Variants in MAGI2 observed in about 807,000 individuals in gnomAD.
MAGI2 encodes membrane-associated guanylate kinase, WW and PDZ domain-containing protein 2.
A neutral mutation model predicts 133.3 loss-of-function variants in MAGI2; 35 were observed. That is an observed-to-expected ratio of 0.26 (90% confidence interval 0.20 to 0.35). The LOEUF is 0.35. Ranked by LOEUF, MAGI2 falls within the 10% of genes least tolerant of loss-of-function variation. The probability of loss-of-function intolerance (pLI) is 1.00; values close to 1 mark genes in which losing one functional copy is unlikely to be tolerated. For missense variants in MAGI2, 1,636 were observed against 1,863.4 expected, an observed-to-expected ratio of 0.88 and a Z score of 2.25; for synonymous variants, 729 against 710.6, an observed-to-expected ratio of 1.03 and a Z score of -0.41.
intron 1 of MAGI2, among the ~76,000 whole-genome samples, chr7:79,298,890 G>A (rs1305874617): frequency 6.6e-6 from 1 of 152,140 alleles, no homozygotes. Context: ...TACACGCCAA[G>A]AAGAGAAGCC....
intron 3 of MAGI2, chr7:78,615,406 C>T (rs879049087): frequency 5.3e-5 from 8 of 152,160 alleles, no homozygotes; most frequent in Admixed American, 5.2e-4. Context: ...ATGGCTGCAT[C>T]AAAAAGGTGT....
chr7:78,884,838 T>C (rs764421040), intron 2 of MAGI2, among the ~76,000 whole-genome samples: 1 of 151,280 alleles, frequency 6.6e-6, no homozygotes, highest in Non-Finnish European at 1.5e-5. Flanking sequence ...CAAACAAAAA[T>C]AAGTGTTTCT....
intron 2 of MAGI2, among the ~76,000 whole-genome samples, chr7:78,641,430 C>T (rs1810294292): frequency 6.6e-6 from 1 of 152,136 alleles, no homozygotes. Flanking sequence ...ACACATAATA[C>T]ATAAACAAAT....
At chr7:79,249,421 A>G (rs1833065374) in intron 1 of MAGI2, among the ~76,000 whole-genome samples, 1 of 152,044 alleles carries the variant, frequency 6.6e-6, no homozygotes, top group African/African-American at 2.4e-5. Flanking sequence ...AGAGAAAAAG[A>G]TTTAAATAAT....
chr7:79,230,266 CTT>C (rs1425256577), intron 1 of MAGI2, among the ~76,000 whole-genome samples: 3 of 151,234 alleles, frequency 2.0e-5, no homozygotes, highest in Admixed American at 6.6e-5. Context: ...GTGCATGTGT[CTT>C]TATAGCAGCA....
intron 1 of MAGI2, among the ~76,000 whole-genome samples, chr7:79,367,738 A>C (rs1487729781): frequency 6.6e-6 from 1 of 151,504 alleles, no homozygotes; most frequent in Non-Finnish European, 1.5e-5. Flanking sequence ...TTTTTATACC[A>C]ATTTATTGAT....
chr7:79,169,463 T>G (rs955440635), intron 1 of MAGI2, among the ~76,000 whole-genome samples: 2 of 152,074 alleles, frequency 1.3e-5, no homozygotes, highest in Non-Finnish European at 2.9e-5. Flanking sequence ...ATGAAGACTT[T>G]AAAGCAGCAT....
At chr7:78,410,136 C>T (rs1797741061) in intron 6 of MAGI2, among the ~76,000 whole-genome samples, 1 of 151,830 alleles carries the variant, frequency 6.6e-6, no homozygotes, top group Non-Finnish European at 1.5e-5. Flanking sequence ...GCTCTCACAT[C>T]ATGTTGCTTC....
intron 2 of MAGI2, among the ~76,000 whole-genome samples, chr7:78,782,215 A>C (rs527359684): frequency 6.6e-6 from 1 of 152,322 alleles, no homozygotes; most frequent in African/African-American, 2.4e-5. Flanking sequence ...GGAGGAGTGA[A>C]GAGGAAAGAT....
chr7:78,854,129 C>T (rs1793418545), intron 2 of MAGI2, among the ~76,000 whole-genome samples: 1 of 151,960 alleles, frequency 6.6e-6, no homozygotes, highest in Non-Finnish European at 1.5e-5. Flanking sequence ...ATCTAATTTC[C>T]TTCTATTTAA....
chr7:78,964,940 T>G (rs1803175605), intron 2 of MAGI2, among the ~76,000 whole-genome samples: 1 of 151,932 alleles, frequency 6.6e-6, no homozygotes. Context: ...GCTTATTTCT[T>G]TTCATCAAGA....
At chr7:78,202,082 T>C (rs998160742) in intron 10 of MAGI2, among the ~76,000 whole-genome samples, 3 of 152,188 alleles carry the variant, frequency 2.0e-5, no homozygotes, top group Non-Finnish European at 2.9e-5. Context: ...AACAAAATCA[T>C]ATCTTTTCAT....
At chr7:79,281,626 GGAC>G (rs2129558015) in intron 1 of MAGI2, among the ~76,000 whole-genome samples, 2 of 152,164 alleles carry the variant, frequency 1.3e-5, no homozygotes, top group South Asian at 4.2e-4. Flanking sequence ...ATTAAGAGGT[GGAC>G]ATTTTACTGC....
chr7:79,247,101 C>A (rs1188776873), intron 1 of MAGI2, among the ~76,000 whole-genome samples: 1 of 151,948 alleles, frequency 6.6e-6, no homozygotes, highest in East Asian at 1.9e-4. Context: ...ACAAAAAAAA[C>A]CTGTGACATT....
intron 6 of MAGI2, among the ~76,000 whole-genome samples, chr7:78,448,368 G>A (rs34058977): frequency 0.4 from 61,041 of 151,880 alleles, 15,021 homozygotes; most frequent in Non-Finnish European, 0.54. Context: ...TTCCATAATG[G>A]ATAGACTAAT....
intron 2 of MAGI2, among the ~76,000 whole-genome samples, chr7:78,870,328 T>C (rs1794926455): frequency 6.9e-6 from 1 of 144,884 alleles, no homozygotes; most frequent in African/African-American, 2.6e-5. Context: ...GACTCTTGCC[T>C]GGGTGACAAA....
At chr7:78,780,059 T>G (rs374765480) in intron 2 of MAGI2, among the ~76,000 whole-genome samples, 1 of 152,194 alleles carries the variant, frequency 6.6e-6, no homozygotes, top group Non-Finnish European at 1.5e-5. Context: ...GCAAAACCAT[T>G]GCAGATAAAT....
intron 18 of MAGI2, 37 bp downstream of exon 18, chr7:78,132,852 C>T (rs1282636604): frequency 6.2e-7 from 1 of 1,613,980 alleles, no homozygotes; most frequent in East Asian, 2.2e-5. Flanking sequence ...CCCACCCTAT[C>T]ACCTCTCAGA....
chr7:78,592,786 T>A (rs966278047), intron 3 of MAGI2, among the ~76,000 whole-genome samples: 14 of 151,204 alleles, frequency 9.3e-5, no homozygotes, highest in African/African-American at 2.9e-4. Context: ...ACTGTACACA[T>A]TGTAAAAGCC....
Sources: allele counts gnomAD v4.1 joint callset (sites outside exome capture counted in the v4.1 genomes callset), GRCh38; gene constraint gnomAD v4.1.1; transcripts MANE v1.5; gene names NCBI Gene and HGNC (gene_info 2026-07-23, HGNC 2026-07-21).